RAB27A: variants seen among roughly 807,000 people sequenced by gnomAD.
RAB27A encodes the protein RAB27A, member RAS oncogene family.
Under a neutral mutation model 20.8 loss-of-function variants are expected in RAB27A, and 17 were observed. That is an observed-to-expected ratio of 0.82 (90% CI 0.56 to 1.23). The LOEUF is 1.23. Ranked by LOEUF, RAB27A falls within the 50% of genes most tolerant of loss-of-function variation. The pLI, the probability that RAB27A is intolerant of heterozygous loss-of-function variation, is 0.00. For synonymous variants in RAB27A, 85 were observed against 92.8 expected (o/e 0.92, Z 0.48); for missense variants, 277 against 266.7 (o/e 1.04, Z -0.27).
rs58693379 is a variant in RAB27A, at chr15:55,241,600, T to TTATATATATATA, written c.-22-6656_-22-6645dup. 1.5e-3 allele frequency among the ~76,000 whole-genome samples: 186 copies of TTATATATATATA among 123,868 alleles called. 3 individuals are homozygous for TTATATATATATA. Among genetic ancestry groups the TTATATATATATA allele is most frequent in the African/African-American group, 7.3e-3 (170 of 23,436 alleles). The allele number at this position is 123,868 out of a possible 152,430, so 81.3% of individuals were successfully genotyped here. Reference sequence around the variant, plus strand: ...AGCCCAGGCAACTAGCAAGACCTATTTATATATATATATATATATATATAT... The same window carrying TTATATATATATA: ...AGCCCAGGCAACTAGCAAGACCTATTTATATATATATATATATATATATATATATATATATAT... On this transcript the variant is annotated intron_variant, in intron 2 of 6. Transcript: ENST00000336787.
chr15:55,220,228 T>C (rs1895500390), intron 6 of RAB27A, among the ~76,000 whole-genome samples: 1 of 151,924 alleles, frequency 6.6e-6, no homozygotes, highest in South Asian at 2.1e-4. Context: ...TGTAAACCAA[T>C]GATCTGGGGT....
intron 6 of RAB27A, among the ~76,000 whole-genome samples, chr15:55,214,742 C>T (rs1221312267): frequency 6.6e-6 from 1 of 152,138 alleles, no homozygotes; most frequent in Non-Finnish European, 1.5e-5. Flanking sequence ...TCACTAGTCA[C>T]ATGTAATATT....
chr15:55,207,635 A>G (rs1411285835), intron 6 of RAB27A, among the ~76,000 whole-genome samples: 1 of 152,190 alleles, frequency 6.6e-6, no homozygotes. Flanking sequence ...TGAGCACTTA[A>G]AATGTGGCTA....
chr15:55,300,288 T>C (rs1385457682), intron 2 of RAB27A, among the ~76,000 whole-genome samples: 1 of 152,130 alleles, frequency 6.6e-6, no homozygotes, highest in African/African-American at 2.4e-5. Flanking sequence ...ACATAGACTG[T>C]CATGGGAAGC....
At chr15:55,261,382 G>C (rs951089442) in intron 2 of RAB27A, among the ~76,000 whole-genome samples, 2 of 151,668 alleles carry the variant, frequency 1.3e-5, no homozygotes, top group African/African-American at 4.8e-5. Flanking sequence ...GGGTGACAGA[G>C]TTAGACTCTG....
intron 6 of RAB27A, among the ~76,000 whole-genome samples, chr15:55,212,759 G>C (rs979146562): frequency 3.9e-5 from 6 of 152,130 alleles, no homozygotes; most frequent in African/African-American, 1.4e-4. Flanking sequence ...TCGATCTCCT[G>C]ACCTCGTGAT....
chr15:55,271,425 G>A (rs959119899), intron 1 of RAB27A, among the ~76,000 whole-genome samples: 1 of 152,222 alleles, frequency 6.6e-6, no homozygotes, highest in Non-Finnish European at 1.5e-5. Context: ...GGGCACAGGT[G>A]TCTGTGGTTC....
At chr15:55,234,731 CA>C in intron 3 of RAB27A, 50 bp downstream of exon 3, 1 of 1,547,712 alleles carries the variant, frequency 6.5e-7, no homozygotes, top group Non-Finnish European at 8.9e-7. Context: ...AACAGACCAG[CA>C]AATGTTGACT....
intron 2 of RAB27A, among the ~76,000 whole-genome samples, chr15:55,307,723 T>C (rs945733070): frequency 6.6e-6 from 1 of 150,752 alleles, no homozygotes; most frequent in African/African-American, 2.5e-5. Flanking sequence ...TTTTGGCATG[T>C]GGATAAAATC....
At chr15:55,285,598 C>A (rs1241857171) in intron 1 of RAB27A, among the ~76,000 whole-genome samples, 5 of 152,126 alleles carry the variant, frequency 3.3e-5, no homozygotes, top group African/African-American at 1.2e-4. Context: ...ACTTCCTGAC[C>A]AAGAGGCAGA....
intron 2 of RAB27A, among the ~76,000 whole-genome samples, chr15:55,251,697 T>G (rs9920114): frequency 6.6e-6 from 1 of 151,988 alleles, no homozygotes; most frequent in African/African-American, 2.4e-5. Context: ...GAAGCCACTT[T>G]ATACTAAATT....
At chr15:55,241,620 A>ATGTG (rs1382273638) in intron 2 of RAB27A, among the ~76,000 whole-genome samples, 7 of 127,912 alleles carry the variant, frequency 5.5e-5, no homozygotes, top group African/African-American at 2.6e-4. Context: ...ATATATATAT[A>ATGTG]TATATGTGTG....
At chr15:55,250,257 C>A (rs1896838671) in intron 2 of RAB27A, among the ~76,000 whole-genome samples, 1 of 152,014 alleles carries the variant, frequency 6.6e-6, no homozygotes, top group Non-Finnish European at 1.5e-5. Context: ...AGCCACTGCG[C>A]CTGGACTCCT....
At chr15:55,311,181 T>C (rs28816070) in intron 2 of RAB27A, among the ~76,000 whole-genome samples, 7,732 of 152,286 alleles carry the variant, frequency 0.051, 637 homozygotes, top group African/African-American at 0.18. Context: ...GCAGCACTTC[T>C]CTCATTTGGA....
intron 1 of RAB27A, among the ~76,000 whole-genome samples, chr15:55,318,666 A>T (rs914257278): frequency 6.7e-6 from 1 of 149,858 alleles, no homozygotes; most frequent in Non-Finnish European, 1.5e-5. Flanking sequence ...GCGCCACTGC[A>T]CTCCAGCCTG....
chr15:55,249,246 A>C (rs1896799818), intron 2 of RAB27A, among the ~76,000 whole-genome samples: 1 of 152,184 alleles, frequency 6.6e-6, no homozygotes, highest in African/African-American at 2.4e-5. Flanking sequence ...TGGTCTGCTT[A>C]ACAACAAATT....
In RAB27A at chr15:55,306,270, G is replaced by A. The variant is rs1261406352; in HGVS notation, c.-112+7769C>T. ...GTTTATGTGTTGAAGTTGTTCCCTT[G>A]TTCAGGTACAGGGATTGAAATGTAT... is the stretch of plus-strand genomic sequence containing the variant. On this transcript the variant is annotated intron_variant, in intron 2 of 5. Transcript: ENST00000563262. Among the ~76,000 whole-genome samples, 9 of 152,272 alleles carry A rather than the reference G, an allele frequency of 5.9e-5. No homozygotes were observed. In the South Asian group the frequency reaches 1.7e-3, roughly 28 times the overall value.
At chr15:55,280,506 TATA>T (rs199853032) in intron 1 of RAB27A, among the ~76,000 whole-genome samples, 4,306 of 119,858 alleles carry the variant, frequency 0.036, 235 homozygotes, top group African/African-American at 0.18. Context: ...GTATGGTTTA[TATA>T]TATATATATA....
intron 3 of RAB27A, among the ~76,000 whole-genome samples, chr15:55,234,389 A>T (rs1250643732): frequency 6.6e-6 from 1 of 152,170 alleles, no homozygotes; most frequent in Non-Finnish European, 1.5e-5. Context: ...CTGAGACTTT[A>T]TTAGGAGAAA....
Sources: allele counts gnomAD v4.1 joint callset (sites outside exome capture counted in the v4.1 genomes callset), GRCh38; gene constraint gnomAD v4.1.1; transcripts MANE v1.5; gene names NCBI Gene and HGNC (gene_info 2026-07-23, HGNC 2026-07-21).